Variants in IL1RAPL2 observed in about 807,000 individuals in gnomAD.
The protein encoded by IL1RAPL2 is X-linked interleukin-1 receptor accessory protein-like 2.
IL1RAPL2 carries 3 observed loss-of-function variants against 44.1 expected under a neutral mutation model. The ratio of observed to expected loss-of-function variants is 0.07; its 90% CI spans 0.03 to 0.18. The LOEUF (loss-of-function observed/expected upper bound fraction) is 0.18. Ranked by LOEUF, IL1RAPL2 falls within the 10% of genes least tolerant of loss-of-function variation. The pLI, the probability that IL1RAPL2 is intolerant of heterozygous loss-of-function variation, is 1.00. For missense variants in IL1RAPL2, 391 were observed against 496.4 expected, an observed-to-expected ratio of 0.79 and a Z score of 2.02; for synonymous variants, 181 against 178.8, an observed-to-expected ratio of 1.01 and a Z score of -0.10.
At chrX:105,339,395 A>G (rs755178286) in intron 5 of IL1RAPL2, among the ~76,000 whole-genome samples, 4 of 111,965 alleles carry the variant, frequency 3.6e-5, no homozygotes, top group Admixed American at 9.5e-5. Context: ...CTCAGCAGAT[A>G]TATTTTCAGA....
At chrX:104,896,239 A>C (rs1467339084) in intron 2 of IL1RAPL2, among the ~76,000 whole-genome samples, 1 of 111,784 alleles carries the variant, frequency 8.9e-6, no homozygotes, top group Non-Finnish European at 1.9e-5. Flanking sequence ...TCCTTGTCAA[A>C]TTTGTTTCCT....
At chrX:104,845,369 AATAAC>A (rs1268564897) in intron 2 of IL1RAPL2, among the ~76,000 whole-genome samples, 1 of 112,477 alleles carries the variant, frequency 8.9e-6, no homozygotes, top group African/African-American at 3.2e-5. Context: ...TATCAAACTA[AATAAC>A]AGAGAGAGAG....
chrX:104,899,392 C>T (rs1923748297), intron 2 of IL1RAPL2, among the ~76,000 whole-genome samples: 1 of 111,519 alleles, frequency 9.0e-6, no homozygotes, highest in Non-Finnish European at 1.9e-5. Flanking sequence ...TGTTTTCAAA[C>T]TCAAAAAGTT....
intron 2 of IL1RAPL2, among the ~76,000 whole-genome samples, chrX:105,064,157 G>C (rs1183279841): frequency 1.8e-5 from 2 of 112,302 alleles, no homozygotes; most frequent in Non-Finnish European, 3.8e-5. Context: ...GACTCAGGCA[G>C]GTCCAGAGAT....
chrX:104,684,665 C>G (rs1318390206), intron 2 of IL1RAPL2, among the ~76,000 whole-genome samples: 2 of 112,263 alleles, frequency 1.8e-5, no homozygotes, highest in African/African-American at 6.5e-5. Context: ...TTGTTGAAAA[C>G]CTGCAGGAGA....
Position 104,776,656 on chromosome X carries a change from T to G in IL1RAPL2, c.82+117661T>G, listed in dbSNP as rs754094985. 1.4e-3 allele frequency among the ~76,000 whole-genome samples: 162 copies of G among 111,827 alleles called. 1 individual carries two copies. Among genetic ancestry groups the G allele is most frequent in the African/African-American group, 4.9e-3 (151 of 30,810 alleles). On this transcript the variant is annotated intron_variant, in intron 2 of 10. Transcript: ENST00000372582. ...ATAGAGCTGTAATTGGAGTTTGTTT[T>G]AAATAGGTCACTTCCTGAAAACCAG...
chrX:104,787,242 A>G (rs924078923), intron 2 of IL1RAPL2, among the ~76,000 whole-genome samples: 1 of 111,455 alleles, frequency 9.0e-6, no homozygotes, highest in African/African-American at 3.3e-5. Context: ...TGTTAAAAGT[A>G]ACATGAAGGA....
intron 5 of IL1RAPL2, among the ~76,000 whole-genome samples, chrX:105,337,971 T>G (rs911579503): frequency 2.7e-5 from 3 of 111,924 alleles, no homozygotes; most frequent in African/African-American, 9.7e-5. Flanking sequence ...TCCAAAAGTA[T>G]CAATAGCTTC....
intron 2 of IL1RAPL2, among the ~76,000 whole-genome samples, chrX:104,769,126 C>G (rs1932603495): frequency 9.0e-6 from 1 of 111,459 alleles, no homozygotes; most frequent in Non-Finnish European, 1.9e-5. Context: ...CCCTAACATT[C>G]CTTCCAGGAC....
At chrX:105,526,096 C>G (rs776591642) in intron 6 of IL1RAPL2, among the ~76,000 whole-genome samples, 203 of 112,007 alleles carry the variant, frequency 1.8e-3, no homozygotes, top group African/African-American at 5.8e-3. Flanking sequence ...TGTATCAACT[C>G]TATCAGCAGC....
intron 1 of IL1RAPL2, among the ~76,000 whole-genome samples, chrX:104,614,247 T>C (rs2148005527): frequency 8.9e-6 from 1 of 111,875 alleles, no homozygotes; most frequent in African/African-American, 3.2e-5. Context: ...TAATTTGTTA[T>C]TGTTTTTCTA....
chrX:104,853,095 A>C (rs2147643129), intron 2 of IL1RAPL2, among the ~76,000 whole-genome samples: 1 of 112,176 alleles, frequency 8.9e-6, no homozygotes, highest in African/African-American at 3.2e-5. Flanking sequence ...AGTTAAATGT[A>C]ATTTAAGTCA....
chrX:104,952,037 A>T (rs1490363827), intron 2 of IL1RAPL2, among the ~76,000 whole-genome samples: 4 of 112,169 alleles, frequency 3.6e-5, no homozygotes, highest in African/African-American at 1.3e-4. Flanking sequence ...GCACATATAA[A>T]AATATATAAT....
At chrX:105,337,720 T>C (rs904755132) in intron 5 of IL1RAPL2, among the ~76,000 whole-genome samples, 8 of 111,539 alleles carry the variant, frequency 7.2e-5, no homozygotes, top group Non-Finnish European at 5.7e-5. Context: ...TGAAACCCTG[T>C]CTCTACTAAA....
Position 104,815,234 on chromosome X carries a change from A to G in IL1RAPL2, c.82+156239A>G, listed in dbSNP as rs1024350404. 4.5e-5 allele frequency among the ~76,000 whole-genome samples: 5 copies of G among 112,272 alleles called. No homozygotes were observed. In the East Asian group the frequency reaches 1.4e-3, roughly 31 times the overall value. On this transcript the variant is annotated intron_variant, in intron 2 of 10. Transcript: ENST00000372582. ...CAAATTACAACAATCTTGGTGGTTA[A>G]CACAACACACATTTATTATTTTACA...
At chrX:105,523,422 A>G (rs1365563676) in intron 6 of IL1RAPL2, among the ~76,000 whole-genome samples, 2 of 111,731 alleles carry the variant, frequency 1.8e-5, no homozygotes, top group East Asian at 2.8e-4. Context: ...TAATTCCTGT[A>G]GCATGTTTTT....
intron 4 of IL1RAPL2, among the ~76,000 whole-genome samples, chrX:105,266,421 C>T (rs912116988): frequency 1.8e-5 from 2 of 111,479 alleles, no homozygotes; most frequent in African/African-American, 6.5e-5. Context: ...GTACAGCATT[C>T]GGCTACCACT....
At chrX:105,659,501 C>G (rs978213427) in intron 6 of IL1RAPL2, among the ~76,000 whole-genome samples, 1 of 107,121 alleles carries the variant, frequency 9.3e-6, no homozygotes, top group Non-Finnish European at 1.9e-5. Flanking sequence ...ACTAAAAATA[C>G]AAAAAATTAG....
chrX:105,548,860 T>A (rs1372217638), intron 6 of IL1RAPL2, among the ~76,000 whole-genome samples: 1 of 112,420 alleles, frequency 8.9e-6, no homozygotes, highest in East Asian at 2.8e-4. Context: ...ATGGTAGCTA[T>A]TAGCATTATC....
Sources: allele counts gnomAD v4.1 joint callset (sites outside exome capture counted in the v4.1 genomes callset), GRCh38; gene constraint gnomAD v4.1.1; transcripts MANE v1.5; gene names NCBI Gene and HGNC (gene_info 2026-07-23, HGNC 2026-07-21).